The following EAPP variants were observed in gnomAD, a reference collection of about 807,000 sequenced individuals.
EAPP encodes E2F-associated phosphoprotein.
EAPP carries 38 observed loss-of-function variants against 34.3 expected under a neutral mutation model. That is an observed-to-expected ratio of 1.11 (90% CI 0.85 to 1.45). EAPP has a LOEUF of 1.45. EAPP is among the 40% of genes most tolerant of loss of function. The pLI, the probability that EAPP is intolerant of heterozygous loss-of-function variation, is 0.00. For synonymous variants in EAPP, 113 were observed against 117.6 expected (o/e 0.96, Z 0.25); for missense variants, 338 against 343.7 (o/e 0.98, Z 0.13).
rs1214643942 is a variant in EAPP, at chr14:34,529,407, G to T, written c.421C>A (p.Pro141Thr). The T allele has an allele frequency of 1.9e-6, 3 of 1,613,326 alleles. No homozygotes were observed. The highest frequency in any genetic ancestry group is 2.2e-5 in the East Asian group (1 of 44,838). Residue 141 changes from proline (P) to threonine (T), a missense_variant, in exon 4 of 6, where the codon CCT becomes ACT. Pro to Thr is a conservative substitution (Grantham distance 38). Coordinates refer to ENST00000250454, the MANE Select transcript of EAPP (RefSeq NM_018453.4). ...IPTNDELLYD[P>T]EKDNRDQAWV... Reference sequence around the variant, plus strand: ...GCCTGATCTCTGTTATCTTTTTCAGGATCATACAGTAATTCGTCATTTGTT... The same window carrying T: ...GCCTGATCTCTGTTATCTTTTTCAGTATCATACAGTAATTCGTCATTTGTT...
At chr14:34,533,043 A>AT (rs1386531261) in intron 3 of EAPP, among the ~76,000 whole-genome samples, 1 of 144,282 alleles carries the variant, frequency 6.9e-6, no homozygotes, top group Non-Finnish European at 1.5e-5. Flanking sequence ...TTATTTATTT[A>AT]TTTATTTATT....
chr14:34,523,552 G>A (rs1879993062), intron 5 of EAPP, among the ~76,000 whole-genome samples: 1 of 130,192 alleles, frequency 7.7e-6, no homozygotes. Flanking sequence ...TGGAGAGAGA[G>A]ATGGGGATCT....
chr14:34,529,383 C>A lies in EAPP; in HGVS notation c.445G>T (p.Ala149Ser). The A allele has an allele frequency of 6.2e-7, 1 of 1,612,262 alleles. No individual in the cohort carries two copies. The highest frequency in any genetic ancestry group is 8.5e-7 in the Non-Finnish European group (1 of 1,178,752). Residue 149 changes from alanine (A) to serine (S), a missense_variant, in exon 4 of 6, where the codon GCC becomes TCC. Coordinates refer to ENST00000250454, the MANE Select transcript of EAPP (RefSeq NM_018453.4). ...YDPEKDNRDQ[A>S]WVDAQRRGYH... ...CCCCTTCTCTGTGCATCAACCCAGG[C>A]CTGATCTCTGTTATCTTTTTCAGGA...
chr14:34,516,675 T>TA, intron 5 of EAPP, 89 bp from the exon 6 acceptor site: 1 of 1,299,024 alleles, frequency 7.7e-7, no homozygotes, highest in Non-Finnish European at 1.0e-6. Context: ...ACCAAAAACT[T>TA]ACTGAAATAC....
chr14:34,524,586 A>T, intron 5 of EAPP, 111 bp downstream of exon 5: 1 of 805,500 alleles, frequency 1.2e-6, no homozygotes, highest in Non-Finnish European at 2.0e-6. Flanking sequence ...ACTGCACTCC[A>T]GCCTGGGCAA....
At position 34,516,130 on chromosome 14, in the gene EAPP, A is replaced by G. The variant is rs546363064; in HGVS notation, c.*180T>C. ...CCATCAATAAGGGGGAAAATCAAAG[A>G]AAAAAAAAAGGAGAGGGTGAGAGAT... On this transcript the variant is annotated 3_prime_UTR_variant, in exon 6 of 6. Transcript: ENST00000250454. The G allele has an allele frequency of 6.3e-4, 285 of 454,818 alleles. 1 individual carries two copies. The highest frequency in any genetic ancestry group is 9.1e-4 in the Non-Finnish European group (248 of 271,658). 28.2% of individuals were successfully genotyped at this position (454,818 alleles called of 1,614,324 possible).
At chr14:34,536,630 G>GT (rs918272109) in intron 1 of EAPP, among the ~76,000 whole-genome samples, 1 of 151,698 alleles carries the variant, frequency 6.6e-6, no homozygotes, top group East Asian at 1.9e-4. Context: ...ATTCCCAGCT[G>GT]TTTTTTTGTT....
At chr14:34,526,615 G>C (rs1007021824) in intron 4 of EAPP, among the ~76,000 whole-genome samples, 1 of 151,842 alleles carries the variant, frequency 6.6e-6, no homozygotes, top group African/African-American at 2.4e-5. Context: ...ACCGGGCATG[G>C]TGGCTCACAC....
At chr14:34,539,285 G>C in intron 1 of EAPP, 1 of 648,182 alleles carries the variant, frequency 1.5e-6, no homozygotes. Context: ...AAGGTGTAGA[G>C]ACAGGTTTCG....
At chr14:34,528,286 T>C (rs572333063) in intron 4 of EAPP, among the ~76,000 whole-genome samples, 14 of 152,186 alleles carry the variant, frequency 9.2e-5, no homozygotes, top group Middle Eastern at 3.4e-3. Flanking sequence ...TCCGCCCGCC[T>C]TGGCCTCCCA....
chr14:34,520,358 C>T (rs375481436), intron 5 of EAPP, among the ~76,000 whole-genome samples: 14 of 150,650 alleles, frequency 9.3e-5, no homozygotes, highest in African/African-American at 2.7e-4. Flanking sequence ...TACAGGCACG[C>T]GCCAACACGC....
intron 2 of EAPP, among the ~76,000 whole-genome samples, chr14:34,534,273 T>C (rs990360765): frequency 6.6e-6 from 1 of 152,000 alleles, no homozygotes; most frequent in African/African-American, 2.4e-5. Flanking sequence ...GCTGGAATTA[T>C]AGGCAACTGC....
intron 5 of EAPP, 133 bp from the exon 6 acceptor site, chr14:34,516,719 A>AG (rs1235387642): frequency 3.4e-6 from 3 of 877,750 alleles, no homozygotes; most frequent in Non-Finnish European, 5.1e-6. Context: ...CAAAACAGCA[A>AG]GTTTAAAGAA....
At chr14:34,519,287 C>A (rs749196064) in intron 5 of EAPP, among the ~76,000 whole-genome samples, 1 of 152,176 alleles carries the variant, frequency 6.6e-6, no homozygotes, top group Non-Finnish European at 1.5e-5. Flanking sequence ...GTAATCCCAG[C>A]ACTTTGGGAG....
chr14:34,516,684 A>G (rs184860620), intron 5 of EAPP, 98 bp from the exon 6 acceptor site: 1 of 1,233,020 alleles, frequency 8.1e-7, no homozygotes, highest in East Asian at 2.4e-5. Flanking sequence ...TTACTGAAAT[A>G]CCAACCAAAG....
At chr14:34,518,211 GTTTC>G (rs1189720569) in intron 5 of EAPP, among the ~76,000 whole-genome samples, 1 of 151,076 alleles carries the variant, frequency 6.6e-6, no homozygotes, top group Non-Finnish European at 1.5e-5. Context: ...TAACTCTGAT[GTTTC>G]TTTATGGTTT....
At chr14:34,535,993 G>A (rs1880458053) in intron 2 of EAPP, 101 bp downstream of exon 2, 4 of 742,316 alleles carry the variant, frequency 5.4e-6, no homozygotes. Context: ...AATATTTATT[G>A]AGCACCTACT....
Position 34,539,615 on chromosome 14 carries a change from G to C in EAPP, c.14C>G (p.Pro5Arg). 4 of 1,576,378 alleles carry C rather than the reference G, an allele frequency of 2.5e-6. No individual in the cohort carries two copies. The highest frequency in any genetic ancestry group is 3.4e-6 in the Non-Finnish European group (4 of 1,159,550). Residue 5 changes from proline to arginine, a missense_variant, in exon 1 of 6, where the codon CCG (proline) becomes CGG (arginine). Physicochemically the swap from Pro to Arg is moderately radical, Grantham distance 103 (BLOSUM62 -2). Transcript: ENST00000250454. The part of the protein sequence containing the change: MNRL[P>R]DDYDPYAVEE... ...AACCGCGTAGGGGTCGTAGTCATCC[G>C]GAAGCCGGTTCATGGTGGCCTGCAG...
rs767435996 is a variant in EAPP at position 34,533,516 on chromosome 14, C to G, written c.280G>C (p.Val94Leu). The G allele has an allele frequency of 6.3e-7, 1 of 1,592,982 alleles. No homozygotes were observed. Among genetic ancestry groups the G allele is most frequent in the Non-Finnish European group, 8.5e-7 (1 of 1,173,822 alleles). The change falls in exon 3 of 6, where the codon GTT (valine) becomes CTT (leucine). Residue 94 changes from valine (V) to leucine (L), a missense_variant. Physicochemically the swap from Val to Leu is conservative, Grantham distance 32 (BLOSUM62 1). Coordinates refer to ENST00000250454, the MANE Select transcript of EAPP (RefSeq NM_018453.4). The part of the protein sequence containing the change: ...GTGSSSGNGK[V>L]ATAPTRYYDD... The stretch of plus-strand genomic sequence containing the variant: ...TAGTACCTTGTCGGAGCTGTTGCAA[C>G]TTTTCCATTTCCTGAGGAAGATCCT...
Sources: gnomAD v4.1 joint callset for allele counts (sites outside exome capture counted in the v4.1 genomes callset) on GRCh38, gnomAD v4.1.1 for gene constraint, MANE v1.5 for transcripts, NCBI Gene and HGNC (gene_info 2026-07-23, HGNC 2026-07-21) for gene names.